Variants in CFAP300 observed in about 807,000 individuals in gnomAD.
CFAP300 encodes the protein cilia and flagella associated protein 300, also known as cilia- and flagella-associated protein 300.
A neutral mutation model predicts 33.0 loss-of-function variants in CFAP300; 32 were observed. The ratio of observed to expected loss-of-function variants is 0.97; its 90% CI spans 0.73 to 1.30. The LOEUF is 1.30. CFAP300 is among the 50% of genes most tolerant of loss of function. CFAP300 has a pLI of 0.00. For synonymous variants in CFAP300, 102 were observed against 106.8 expected (o/e 0.95, Z 0.28); for missense variants, 356 against 318.1 (o/e 1.12, Z -0.90).
chr11:102,061,074 C>T (rs899395635), intron 3 of CFAP300, among the ~76,000 whole-genome samples: 1 of 152,108 alleles, frequency 6.6e-6, no homozygotes, highest in African/African-American at 2.4e-5. Context: ...CATGTTAGTA[C>T]ATACACAAAA....
chr11:102,069,170 G>T (rs991863679), intron 4 of CFAP300, among the ~76,000 whole-genome samples: 4 of 152,142 alleles, frequency 2.6e-5, no homozygotes, highest in Admixed American at 1.3e-4. Context: ...TCTACTAGTT[G>T]CCTGTATGGC....
intron 2 of CFAP300, among the ~76,000 whole-genome samples, chr11:102,050,140 T>C (rs1200647175): frequency 1.3e-5 from 2 of 152,032 alleles, no homozygotes; most frequent in East Asian, 3.9e-4. Flanking sequence ...AAAAAAAAAA[T>C]AATTTCTCTA....
At position 102,083,117 on chromosome 11, in the gene CFAP300, C is replaced by T. The variant is rs1942499946; in HGVS notation, c.722C>T (p.Thr241Ile). 1.3e-6 allele frequency: 2 copies of T among 1,553,716 alleles called. No individual in the cohort carries two copies. The highest frequency in any genetic ancestry group is 1.4e-5 in the African/African-American group (1 of 72,794). Reference sequence around the variant, plus strand: ...CCTTCAGCAAAGAATCATGAACAGACATTTTCTTACTTTATTGTGGATCCT... The same window carrying T: ...CCTTCAGCAAAGAATCATGAACAGATATTTTCTTACTTTATTGTGGATCCT... Reference protein sequence around the residue: ...CYPSAKNHEQTFSYFIVDPIR... With the variant: ...CYPSAKNHEQIFSYFIVDPIR... The change falls in exon 7 of 7, where the codon ACA becomes ATA. Residue 241 changes from threonine (T) to isoleucine (I), a missense_variant. Thr to Ile is a moderately conservative substitution (Grantham distance 89). Transcript: ENST00000434758.
At chr11:102,056,963 T>C (rs1367276063) in intron 2 of CFAP300, among the ~76,000 whole-genome samples, 1 of 152,004 alleles carries the variant, frequency 6.6e-6, no homozygotes, top group Non-Finnish European at 1.5e-5. Context: ...TATCCTTTGC[T>C]GACATGTGCC....
At chr11:102,069,367 C>A (rs1942276076) in intron 4 of CFAP300, among the ~76,000 whole-genome samples, 1 of 152,310 alleles carries the variant, frequency 6.6e-6, no homozygotes, top group East Asian at 1.9e-4. Flanking sequence ...AACCACTTTC[C>A]TGACTGTGGC....
intron 5 of CFAP300, among the ~76,000 whole-genome samples, chr11:102,080,589 A>G (rs1942459621): frequency 6.6e-6 from 1 of 152,010 alleles, no homozygotes; most frequent in Non-Finnish European, 1.5e-5. Context: ...TAGTAGAGAC[A>G]GGGTTTCTCC....
intron 5 of CFAP300, among the ~76,000 whole-genome samples, chr11:102,078,287 G>A (rs758323642): frequency 7.9e-5 from 12 of 152,080 alleles, no homozygotes; most frequent in Admixed American, 1.3e-4. Context: ...AGAAATAATC[G>A]CAAATGACAT....
intron 4 of CFAP300, among the ~76,000 whole-genome samples, chr11:102,067,655 G>A (rs1942249139): frequency 6.6e-6 from 1 of 152,162 alleles, no homozygotes; most frequent in Non-Finnish European, 1.5e-5. Flanking sequence ...AAAATTAATT[G>A]AAGCATTTAC....
intron 2 of CFAP300, among the ~76,000 whole-genome samples, chr11:102,054,518 G>T (rs1942019717): frequency 6.6e-6 from 1 of 151,418 alleles, no homozygotes; most frequent in Admixed American, 6.6e-5. Flanking sequence ...GGATCCTCAG[G>T]TCAGGAGTTC....
chr11:102,057,903 TG>T (rs776174847), intron 2 of CFAP300: 2 of 152,320 alleles, frequency 1.3e-5, no homozygotes, highest in Non-Finnish European at 2.9e-5. Flanking sequence ...GGATTGGGCC[TG>T]GTTAGTACTT....
chr11:102,071,393 G>A (rs1430009554), intron 4 of CFAP300, among the ~76,000 whole-genome samples: 1 of 152,096 alleles, frequency 6.6e-6, no homozygotes, highest in East Asian at 1.9e-4. Flanking sequence ...AATCCACTCA[G>A]CCAGTTTACA....
In CFAP300 at chr11:102,078,652, C is replaced by T. The variant is rs572732962; in HGVS notation, c.609-2563C>T. 1.1e-4 allele frequency among the ~76,000 whole-genome samples: 17 copies of T among 152,122 alleles called. No homozygotes were observed. In the East Asian group the frequency reaches 1.7e-3, roughly 16 times the overall value. On this transcript the variant is annotated intron_variant, in intron 5 of 6. Coordinates refer to ENST00000434758, the MANE Select transcript of CFAP300 (RefSeq NM_032930.3). ...ATGATTTCTTTCTATTAGAAACTAACGTCTAATAATGTACAAATGGTGGTT... is the reference window on the plus strand; with the variant it reads ...ATGATTTCTTTCTATTAGAAACTAATGTCTAATAATGTACAAATGGTGGTT...
intron 5 of CFAP300, among the ~76,000 whole-genome samples, chr11:102,078,898 C>T (rs1942436634): frequency 6.6e-6 from 1 of 151,884 alleles, no homozygotes; most frequent in African/African-American, 2.4e-5. Context: ...TTTGTAGAGG[C>T]GGGGTTTCAC....
chr11:102,070,823 T>A (rs1942303263), intron 4 of CFAP300, among the ~76,000 whole-genome samples: 1 of 152,152 alleles, frequency 6.6e-6, no homozygotes, highest in Admixed American at 6.5e-5. Flanking sequence ...CAGGAATACG[T>A]GTTGTTGGTT....
At chr11:102,067,738 T>C (rs1942250162) in intron 4 of CFAP300, among the ~76,000 whole-genome samples, 1 of 152,280 alleles carries the variant, frequency 6.6e-6, no homozygotes, top group Middle Eastern at 3.4e-3. Context: ...GACCCTCATC[T>C]CTACAAAAAT....
intron 5 of CFAP300, among the ~76,000 whole-genome samples, chr11:102,080,494 C>T (rs1004009356): frequency 1.3e-5 from 2 of 151,986 alleles, no homozygotes; most frequent in Admixed American, 6.6e-5. Flanking sequence ...CTTGGCTCAT[C>T]GCAACCTCCG....
rs1349566957 is a variant in CFAP300, at chr11:102,084,214, C to T, written c.*1015C>T. The T allele has an allele frequency of 6.6e-6, 1 of 152,132 alleles. No homozygotes were observed. Among genetic ancestry groups the T allele is most frequent in the African/African-American group, 2.4e-5 (1 of 41,420 alleles). 9.4% of individuals were successfully genotyped at this position (152,132 alleles called of 1,614,324 possible). A position where few individuals can be genotyped will look rare whatever the true frequency, so the allele number is the denominator to read the frequency against. ...TTCATTCATAGAATGAATGTATAAC[C>T]TAGATTGTTTTTGGTTTATTTTGAT... is the stretch of plus-strand genomic sequence containing the variant. On this transcript the variant is annotated 3_prime_UTR_variant, in exon 7 of 7. Transcript: ENST00000434758.
At chr11:102,071,673 T>C (rs934966828) in intron 4 of CFAP300, among the ~76,000 whole-genome samples, 1 of 152,156 alleles carries the variant, frequency 6.6e-6, no homozygotes, top group Non-Finnish European at 1.5e-5. Flanking sequence ...CCATTTTGGC[T>C]TGTCTAGGAA....
intron 5 of CFAP300, among the ~76,000 whole-genome samples, chr11:102,077,885 AT>A (rs1942419814): frequency 6.6e-6 from 1 of 150,478 alleles, no homozygotes; most frequent in Non-Finnish European, 1.5e-5. Flanking sequence ...TATTTTATTT[AT>A]TTTTTATCTT....
Sources: allele counts gnomAD v4.1 joint callset (sites outside exome capture counted in the v4.1 genomes callset), GRCh38; gene constraint gnomAD v4.1.1; transcripts MANE v1.5; gene names NCBI Gene and HGNC (gene_info 2026-07-23, HGNC 2026-07-21).